ZNF423: variants seen among roughly 807,000 people sequenced by gnomAD.
ZNF423 encodes zinc finger protein 423, also known as Ebf-associated zinc finger protein.
A neutral mutation model predicts 95.8 loss-of-function variants in ZNF423; 12 were observed. That is an observed-to-expected ratio of 0.13 (90% CI 0.08 to 0.20). The LOEUF (loss-of-function observed/expected upper bound fraction) is 0.20, where lower values mean the gene tolerates loss of function less well. Ranked by LOEUF, ZNF423 falls within the 10% of genes least tolerant of loss-of-function variation. ZNF423 has a pLI of 1.00. For synonymous variants in ZNF423, 749 were observed against 711.9 expected, an observed-to-expected ratio of 1.05 and a Z score of -0.83; for missense variants, 1,316 against 1,737.1, an observed-to-expected ratio of 0.76 and a Z score of 4.31.
chr16:49,549,223 G>C (rs1466207811), intron 5 of ZNF423, among the ~76,000 whole-genome samples: 2 of 152,168 alleles, frequency 1.3e-5, no homozygotes, highest in Admixed American at 6.5e-5. Flanking sequence ...CCTGGTGAAT[G>C]GGGGGCAGGA....
chr16:49,784,833 C>A (rs2143797279), intron 2 of ZNF423, among the ~76,000 whole-genome samples: 1 of 151,924 alleles, frequency 6.6e-6, no homozygotes, highest in South Asian at 2.1e-4. Flanking sequence ...GTCTGTAATC[C>A]CAGCTACTCG....
At chr16:49,625,592 A>G (rs1168212797) in intron 5 of ZNF423, among the ~76,000 whole-genome samples, 1 of 152,138 alleles carries the variant, frequency 6.6e-6, no homozygotes, top group East Asian at 1.9e-4. Context: ...CCTAGCTGCC[A>G]AGGAGACCAC....
At chr16:49,850,570 G>A (rs2035291966) in intron 1 of ZNF423, among the ~76,000 whole-genome samples, 1 of 152,156 alleles carries the variant, frequency 6.6e-6, no homozygotes, top group Non-Finnish European at 1.5e-5. Context: ...GCAAACACCA[G>A]CGTGCCGTGG....
At chr16:49,697,733 G>A (rs1188460765) in intron 3 of ZNF423, among the ~76,000 whole-genome samples, 4 of 152,234 alleles carry the variant, frequency 2.6e-5, no homozygotes, top group Non-Finnish European at 4.4e-5. Flanking sequence ...GCGTTCACGC[G>A]TGTTTCTGCA....
chr16:49,740,061 G>T lies in ZNF423; in HGVS notation c.101-9090C>A, dbSNP rs117378235. Among the ~76,000 whole-genome samples, 1,428 of 152,010 alleles carry T rather than the reference G, an allele frequency of 9.4e-3. 11 individuals carry two copies. Among genetic ancestry groups the T allele is most frequent in the Non-Finnish European group, 0.015 (1,022 of 67,976 alleles). On this transcript the variant is annotated intron_variant, in intron 2 of 7. Transcript: ENST00000563137. ...TTTTTAAAATTTTTGTAGAGATGGG[G>T]TTTTGTTATGTTGCCTAGGCTGGTC...
At chr16:49,524,846 C>T (rs1397822668) in intron 6 of ZNF423, among the ~76,000 whole-genome samples, 1 of 152,238 alleles carries the variant, frequency 6.6e-6, no homozygotes, top group African/African-American at 2.4e-5. Flanking sequence ...CGGGCTGGGA[C>T]AGCCATTCGC....
chr16:49,506,730 G>A (rs12929753), intron 7 of ZNF423, among the ~76,000 whole-genome samples: 63,264 of 151,910 alleles, frequency 0.42, 13,700 homozygotes, highest in African/African-American at 0.54. Context: ...TGGATGGATA[G>A]GTGGAGAGAT....
At chr16:49,774,737 G>A (rs995339884) in intron 2 of ZNF423, among the ~76,000 whole-genome samples, 3 of 152,154 alleles carry the variant, frequency 2.0e-5, no homozygotes, top group African/African-American at 7.2e-5. Context: ...TCTGGGCAAG[G>A]GGAGGAGGGG....
At chr16:49,649,728 A>G (rs919010124) in intron 3 of ZNF423, among the ~76,000 whole-genome samples, 4 of 151,790 alleles carry the variant, frequency 2.6e-5, no homozygotes, top group Non-Finnish European at 5.9e-5. Flanking sequence ...CTGCACCTAG[A>G]TATCTGACAG....
chr16:49,591,655 G>T (rs1355055674), intron 5 of ZNF423, among the ~76,000 whole-genome samples: 1 of 152,048 alleles, frequency 6.6e-6, no homozygotes, highest in East Asian at 1.9e-4. Flanking sequence ...AACTGCACTG[G>T]AAACCAAACA....
At chr16:49,631,966 T>G (rs1465189151) in intron 4 of ZNF423, among the ~76,000 whole-genome samples, 1 of 152,074 alleles carries the variant, frequency 6.6e-6, no homozygotes, top group East Asian at 1.9e-4. Context: ...ATGTCCCAGA[T>G]CTCCTGCCAG....
chr16:49,739,269 G>A (rs763645513), intron 2 of ZNF423, among the ~76,000 whole-genome samples: 2 of 152,174 alleles, frequency 1.3e-5, no homozygotes, highest in Non-Finnish European at 2.9e-5. Flanking sequence ...TTGCTGCTGG[G>A]TTATGATTCA....
chr16:49,659,878 C>T (rs2030112323), intron 3 of ZNF423, among the ~76,000 whole-genome samples: 2 of 152,210 alleles, frequency 1.3e-5, no homozygotes, highest in Non-Finnish European at 2.9e-5. Flanking sequence ...CCAAATGGTC[C>T]CCAGCTCCTC....
At position 49,855,438 on chromosome 16, in the gene ZNF423, C is replaced by T. The variant is rs1355145874; in HGVS notation, c.40+297G>A. Among the ~76,000 whole-genome samples, 1 of 151,276 alleles carries T rather than the reference C, an allele frequency of 6.6e-6. No homozygotes were observed. The highest frequency in any genetic ancestry group is 1.5e-5 in the Non-Finnish European group (1 of 67,738). On this transcript the variant is annotated intron_variant, in intron 1 of 7. Transcript: ENST00000563137. This position sits in a 1 kb window ranked among gnomAD's most constrained non-coding sequence, Gnocchi z 4.7. The stretch of plus-strand genomic sequence containing the variant: ...GGGAGCGGCAAGGGCCCCTTAGCGG[C>T]GCCCCCAGGCCTGGGTCCCCCAAGG...
chr16:49,828,698 C>A (rs374872672), intron 1 of ZNF423, among the ~76,000 whole-genome samples: 1 of 152,200 alleles, frequency 6.6e-6, no homozygotes, highest in Non-Finnish European at 1.5e-5. Context: ...AGCCCCTGGG[C>A]GGGCGCCATG....
At chr16:49,641,802 C>T (rs146989970) in intron 3 of ZNF423, among the ~76,000 whole-genome samples, 2 of 152,242 alleles carry the variant, frequency 1.3e-5, no homozygotes, top group East Asian at 1.9e-4. Context: ...CAGAATAAGG[C>T]GCATCTGAGA....
chr16:49,496,139 C>T (rs934954186), intron 7 of ZNF423, among the ~76,000 whole-genome samples: 7 of 152,226 alleles, frequency 4.6e-5, no homozygotes, highest in Middle Eastern at 3.2e-3. Context: ...AGGAAGCTTT[C>T]GTGGGCCGAG....
intron 5 of ZNF423, among the ~76,000 whole-genome samples, chr16:49,581,061 C>A (rs754174203): frequency 9.1e-4 from 139 of 152,146 alleles, no homozygotes; most frequent in Non-Finnish European, 1.2e-3. Flanking sequence ...CTCAGTCCTC[C>A]TTAAGAACCG....
At chr16:49,765,372 A>G (rs571496037) in intron 2 of ZNF423, among the ~76,000 whole-genome samples, 3 of 152,282 alleles carry the variant, frequency 2.0e-5, no homozygotes, top group East Asian at 3.9e-4. Context: ...GCACACATAA[A>G]TGGTTAAAAT....
Sources: gnomAD v4.1 joint callset for allele counts (sites outside exome capture counted in the v4.1 genomes callset) on GRCh38, gnomAD v4.1.1 for gene constraint, Gnocchi (gnomAD v3.1) non-coding constraint, MANE v1.5 for transcripts, NCBI Gene and HGNC (gene_info 2026-07-23, HGNC 2026-07-21) for gene names.